Variants in PCDH15 observed in about 807,000 individuals in gnomAD.
PCDH15 encodes protocadherin-15.
Under a neutral mutation model 178.5 loss-of-function variants are expected in PCDH15, and 129 were observed. The ratio of observed to expected loss-of-function variants is 0.72; its 90% CI spans 0.63 to 0.84. PCDH15 has a LOEUF of 0.84. PCDH15 is among the 40% of genes least tolerant of loss of function. The probability of loss-of-function intolerance (pLI) is 0.00; values close to 1 mark genes in which losing one functional copy is unlikely to be tolerated. For synonymous variants in PCDH15, 800 were observed against 732.0 expected (o/e 1.09, Z -1.50); for missense variants, 2,230 against 2,099.9 (o/e 1.06, Z -1.21).
intron 1 of PCDH15, among the ~76,000 whole-genome samples, chr10:54,738,043 G>A (rs894326497): frequency 1.3e-5 from 2 of 152,058 alleles, no homozygotes; most frequent in African/African-American, 4.8e-5. Context: ...TGAGCAGGGG[G>A]TGAACTTCAC....
intron 1 of PCDH15, among the ~76,000 whole-genome samples, chr10:55,214,729 A>T (rs1840657676): frequency 6.6e-6 from 1 of 152,038 alleles, no homozygotes. Flanking sequence ...CTCCCAACTC[A>T]GTCTCCAGAG....
chr10:55,348,890 C>T (rs2131964113), intron 2 of PCDH15, among the ~76,000 whole-genome samples: 1 of 152,170 alleles, frequency 6.6e-6, no homozygotes, highest in African/African-American at 2.4e-5. Context: ...GAGAGAAAGC[C>T]ATTGGAAACT....
intron 2 of PCDH15, chr10:54,600,290 A>G (rs2134066641): frequency 1.8e-6 from 1 of 547,512 alleles, no homozygotes; most frequent in Admixed American, 2.4e-5. Flanking sequence ...AATGAGAAGG[A>G]AGGGAGTGAT....
chr10:54,748,205 TTCA>T (rs1945736822), intron 1 of PCDH15, among the ~76,000 whole-genome samples: 1 of 152,186 alleles, frequency 6.6e-6, no homozygotes, highest in African/African-American at 2.4e-5. Flanking sequence ...GAAAATAAAC[TTCA>T]TGTTACTTTT....
chr10:55,097,781 A>G (rs1462726805), intron 2 of PCDH15, among the ~76,000 whole-genome samples: 1 of 152,112 alleles, frequency 6.6e-6, no homozygotes, highest in African/African-American at 2.4e-5. Context: ...TTTCCTCAGA[A>G]AATTATCCTA....
intron 1 of PCDH15, chr10:55,247,670 G>T (rs988594465): frequency 6.6e-6 from 1 of 150,668 alleles, no homozygotes; most frequent in African/African-American, 2.4e-5. Context: ...TGTAATCCCA[G>T]CATTTTGGGA....
chr10:53,934,338 A>C (rs2085366089), intron 25 of PCDH15, among the ~76,000 whole-genome samples: 1 of 152,128 alleles, frequency 6.6e-6, no homozygotes, highest in Non-Finnish European at 1.5e-5. Flanking sequence ...CCCACTGACC[A>C]CAAGACTGTG....
chr10:54,432,723 C>T (rs1363997159), intron 3 of PCDH15, among the ~76,000 whole-genome samples: 1 of 151,976 alleles, frequency 6.6e-6, no homozygotes, highest in Admixed American at 6.6e-5. Context: ...AAAATGGAAA[C>T]ATGAAATCAC....
Position 54,241,145 on chromosome 10 carries a change from G to T in PCDH15, c.877-4214C>A, listed in dbSNP as rs78724120. On this transcript the variant is annotated intron_variant, in intron 8 of 37. Coordinates refer to ENST00000644397, the MANE Select transcript of PCDH15 (RefSeq NM_001384140.1). ...ACTAGCAGAAAATAGTCCATCTGTGGCTACTGCCAGGTCTTCCACAGTTCC... is the reference window on the plus strand; with the variant it reads ...ACTAGCAGAAAATAGTCCATCTGTGTCTACTGCCAGGTCTTCCACAGTTCC... 6.0e-3 allele frequency among the ~76,000 whole-genome samples: 920 copies of T among 152,238 alleles called. 9 individuals are homozygous for T. Among genetic ancestry groups the T allele is most frequent in the African/African-American group, 0.018 (755 of 41,558 alleles).
At chr10:53,997,039 C>G (rs1415530465) in intron 20 of PCDH15, among the ~76,000 whole-genome samples, 1 of 152,096 alleles carries the variant, frequency 6.6e-6, no homozygotes, top group African/African-American at 2.4e-5. Flanking sequence ...TTCTTACTAT[C>G]AAACAATGCT....
intron 3 of PCDH15, among the ~76,000 whole-genome samples, chr10:54,423,038 A>G (rs79955855): frequency 0.018 from 2,783 of 152,244 alleles, 93 homozygotes; most frequent in African/African-American, 0.063. Context: ...ACAGCTAGAT[A>G]CAGCCAGTTT....
intron 3 of PCDH15, among the ~76,000 whole-genome samples, chr10:54,497,641 G>T (rs1465870510): frequency 6.6e-6 from 1 of 152,048 alleles, no homozygotes; most frequent in Non-Finnish European, 1.5e-5. Context: ...AGCAATTTCA[G>T]AATATGATTG....
At chr10:54,943,081 T>C (rs1838103730) in intron 2 of PCDH15, among the ~76,000 whole-genome samples, 2 of 152,052 alleles carry the variant, frequency 1.3e-5, no homozygotes, top group Non-Finnish European at 2.9e-5. Context: ...CACAAATTTA[T>C]TTGTTTTAAA....
intron 2 of PCDH15, among the ~76,000 whole-genome samples, chr10:55,486,608 A>G (rs2132123704): frequency 6.6e-6 from 1 of 151,762 alleles, no homozygotes; most frequent in East Asian, 1.9e-4. Flanking sequence ...CTTTCATTCC[A>G]GAATGCTATT....
At chr10:55,415,073 G>A (rs151147291) in intron 2 of PCDH15, among the ~76,000 whole-genome samples, 1 of 151,514 alleles carries the variant, frequency 6.6e-6, no homozygotes, top group South Asian at 2.1e-4. Flanking sequence ...CTTTATTAAG[G>A]TGAGGGAGTT....
At chr10:54,004,544 A>T (rs2092312887) in intron 20 of PCDH15, among the ~76,000 whole-genome samples, 1 of 152,192 alleles carries the variant, frequency 6.6e-6, no homozygotes, top group Non-Finnish European at 1.5e-5. Context: ...AAATCAATAA[A>T]GTAATCCCAT....
intron 3 of PCDH15, among the ~76,000 whole-genome samples, chr10:54,825,716 G>A (rs184617782): frequency 4.6e-5 from 7 of 152,036 alleles, no homozygotes; most frequent in Admixed American, 2.0e-4. Context: ...TTTTTGATGG[G>A]GTTGTTTGTT....
intron 2 of PCDH15, among the ~76,000 whole-genome samples, chr10:54,578,981 A>C (rs1250968815): frequency 6.6e-6 from 1 of 152,154 alleles, no homozygotes; most frequent in Admixed American, 6.6e-5. Flanking sequence ...CAGCTTTACA[A>C]GGCAACCTCA....
At chr10:54,925,619 T>G (rs933770543) in intron 2 of PCDH15, among the ~76,000 whole-genome samples, 3 of 152,158 alleles carry the variant, frequency 2.0e-5, no homozygotes, top group African/African-American at 7.2e-5. Context: ...GGGAATTCTT[T>G]GAGCAGTGTT....
Sources: allele counts gnomAD v4.1 joint callset (sites outside exome capture counted in the v4.1 genomes callset), GRCh38; gene constraint gnomAD v4.1.1; transcripts MANE v1.5; gene names NCBI Gene and HGNC (gene_info 2026-07-23, HGNC 2026-07-21).